The following RRN3 variants were observed in gnomAD, a reference collection of about 807,000 sequenced individuals.
The protein encoded by RRN3 is RNA polymerase I-specific transcription initiation factor RRN3.
RRN3 carries 38 observed loss-of-function variants against 82.3 expected under a neutral mutation model. The observed-to-expected ratio is 0.46, with a 90% CI of 0.36 to 0.61. The LOEUF is 0.61. Among genes scored for constraint, RRN3 ranks in the 20% least tolerant of loss-of-function variants. RRN3 has a pLI of 0.00. For synonymous variants in RRN3, 284 were observed against 284.3 expected (o/e 1.00, Z 0.01); for missense variants, 726 against 793.1 (o/e 0.92, Z 1.02).
chr16:15,086,507 A>C, intron 3 of RRN3, 53 bp from the exon 4 acceptor site: 1 of 1,606,472 alleles, frequency 6.2e-7, no homozygotes, highest in East Asian at 2.2e-5. Flanking sequence ...AACATAACAG[A>C]AATTTACAGC....
At chr16:15,079,848 C>A in intron 9 of RRN3, 150 bp downstream of exon 9, 1 of 814,316 alleles carries the variant, frequency 1.2e-6, no homozygotes, top group Non-Finnish European at 1.8e-6. Context: ...CTGCCTGCCT[C>A]GGCCTCCCAA....
intron 2 of RRN3, among the ~76,000 whole-genome samples, 168 bp from the exon 3 acceptor site, chr16:15,091,539 T>C (rs912883023): frequency 6.6e-5 from 10 of 151,412 alleles, no homozygotes; most frequent in African/African-American, 2.4e-4. Context: ...TAAACACTCA[T>C]GTTAGTGCAG....
At chr16:15,077,180 T>G (rs533365462) in intron 9 of RRN3, among the ~76,000 whole-genome samples, 4 of 151,788 alleles carry the variant, frequency 2.6e-5, no homozygotes, top group Non-Finnish European at 5.9e-5. Flanking sequence ...GGTTACTCCA[T>G]GTTAGTCAGG....
At position 15,074,757 on chromosome 16, in the gene RRN3, A is replaced by T; in HGVS notation, c.963T>A (p.Val321=). 6.2e-7 allele frequency: 1 copy of T among 1,614,060 alleles called. No individual in the cohort carries two copies. Among genetic ancestry groups the T allele is most frequent in the South Asian group, 1.1e-5 (1 of 91,062 alleles). The change falls in exon 11 of 18, where the codon GTT becomes GTA. Residue 321 remains valine (V), a synonymous_variant. Transcript: ENST00000198767. ...AERLDILMSL[V]LSYMKDVCYV... The stretch of plus-strand genomic sequence containing the variant: ...AGCAGACATCCTTCATGTAGGACAA[A>T]ACCAAAGACATCAGGATGTCCAGGC...
rs1255252467 is a variant in RRN3 at position 15,060,809 on chromosome 16, A to C, written c.*935T>G. On this transcript the variant is annotated 3_prime_UTR_variant, in exon 18 of 18. Coordinates refer to ENST00000198767, the MANE Select transcript of RRN3 (RefSeq NM_018427.5). Reference sequence around the variant, plus strand: ...TTGTGAGCAAAACCGTACACCAAATAATCTAAAAAAATTTTCCTGTTTCCA... The same window carrying C: ...TTGTGAGCAAAACCGTACACCAAATCATCTAAAAAAATTTTCCTGTTTCCA... 2 of 152,234 alleles carry C rather than the reference A, an allele frequency of 1.3e-5. No homozygotes were observed. The highest frequency in any genetic ancestry group is 2.9e-5 in the Non-Finnish European group (2 of 68,060). The allele number at this position is 152,234 out of a possible 1,614,324, so 9.4% of individuals were successfully genotyped here.
chr16:15,071,402 G>C (rs1438304355), intron 12 of RRN3, 151 bp from the exon 13 acceptor site: 3 of 766,802 alleles, frequency 3.9e-6, no homozygotes, highest in Middle Eastern at 4.1e-4. Flanking sequence ...CACATTGAGA[G>C]AATATCATTA....
chr16:15,083,818 G>C, intron 7 of RRN3: 1 of 408,278 alleles, frequency 2.4e-6, no homozygotes. Flanking sequence ...CCAGGTTCAA[G>C]CGATTCTCCT....
intron 8 of RRN3, among the ~76,000 whole-genome samples, chr16:15,081,394 T>C (rs1307714828): frequency 6.6e-6 from 1 of 152,206 alleles, no homozygotes; most frequent in Non-Finnish European, 1.5e-5. Flanking sequence ...GTTACTGTCT[T>C]CTCGTTCTGA....
chr16:15,074,022 T>C (rs1191264742), intron 11 of RRN3, among the ~76,000 whole-genome samples: 1 of 152,176 alleles, frequency 6.6e-6, no homozygotes, highest in African/African-American at 2.4e-5. Context: ...CTCTCCTACA[T>C]ATACAGACGC....
intron 2 of RRN3, among the ~76,000 whole-genome samples, chr16:15,091,734 A>G (rs1385237654): frequency 2.0e-5 from 3 of 152,232 alleles, no homozygotes; most frequent in Non-Finnish European, 4.4e-5. Context: ...ATACAAATGG[A>G]TATTACATAT....
chr16:15,094,216 A>T lies in RRN3; in HGVS notation c.18T>A (p.Leu6=), dbSNP rs765355630. ...CCGCATCTCCCGGCAAACGCGTGTG[A>T]AGCAGCGGTGCCGCCATTGGGCCGA... is the stretch of plus-strand genomic sequence containing the variant. The part of the protein sequence containing the change: MAAPL[L]HTRLPGDAAA... Residue 6 remains leucine, a synonymous_variant, in exon 1 of 18, where the codon CTT becomes CTA. Transcript: ENST00000198767. 1.9e-6 allele frequency: 3 copies of T among 1,594,796 alleles called. No individual in the cohort carries two copies. The highest frequency in any genetic ancestry group is 2.6e-6 in the Non-Finnish European group (3 of 1,171,342).
intron 1 of RRN3, among the ~76,000 whole-genome samples, chr16:15,092,882 T>C (rs1329876644): frequency 6.6e-6 from 1 of 152,154 alleles, no homozygotes; most frequent in African/African-American, 2.4e-5. Flanking sequence ...TCTCACCTCA[T>C]CTCCAACAAC....
chr16:15,089,786 C>CAAAAAAAAAAAAAA, intron 3 of RRN3, among the ~76,000 whole-genome samples: 1 of 66,574 alleles, frequency 1.5e-5, no homozygotes, highest in Non-Finnish European at 2.5e-5. Flanking sequence ...GGCGACAGAG[C>CAAAAAAAAAAAAAA]AAAAAAAAAA....
At chr16:15,074,948 C>T in intron 10 of RRN3, 87 bp from the exon 11 acceptor site, 1 of 1,320,300 alleles carries the variant, frequency 7.6e-7, no homozygotes, top group Non-Finnish European at 1.0e-6. Flanking sequence ...GATTATTTCC[C>T]TTAAAAGATA....
At chr16:15,083,171 C>T (rs1312941825) in intron 8 of RRN3, among the ~76,000 whole-genome samples, 1 of 152,186 alleles carries the variant, frequency 6.6e-6, no homozygotes, top group Non-Finnish European at 1.5e-5. Context: ...GAGGCCGAGG[C>T]AGGCAGATCA....
chr16:15,075,008 G>C (rs745796305), intron 10 of RRN3, 147 bp from the exon 11 acceptor site: 3 of 763,316 alleles, frequency 3.9e-6, no homozygotes, highest in Non-Finnish European at 6.1e-6. Context: ...CCAGCACTTT[G>C]GGAAGCAGAG....
chr16:15,089,030 G>C (rs1379787214), intron 3 of RRN3, among the ~76,000 whole-genome samples: 2 of 152,166 alleles, frequency 1.3e-5, no homozygotes, highest in African/African-American at 2.4e-5. Flanking sequence ...AGGCCGGGTG[G>C]AGTGGCTCAC....
Position 15,061,117 on chromosome 16 carries a change from G to T in RRN3, c.*627C>A, listed in dbSNP as rs1231518572. 6.6e-6 allele frequency: 1 copy of T among 152,002 alleles called. No individual in the cohort carries two copies. Among genetic ancestry groups the T allele is most frequent in the Non-Finnish European group, 1.5e-5 (1 of 68,038 alleles). The allele number at this position is 152,002 out of a possible 1,614,324, so 9.4% of individuals were successfully genotyped here. A position where few individuals can be genotyped will look rare whatever the true frequency, so the allele number is the denominator to read the frequency against. On this transcript the variant is annotated 3_prime_UTR_variant, in exon 18 of 18. Transcript: ENST00000198767. Reference sequence around the variant, plus strand: ...CTCTCTTCCCTATGGGCTTTTATTGGTCTCTGAAGTCCCTGGAGATCTTCA... The same window carrying T: ...CTCTCTTCCCTATGGGCTTTTATTGTTCTCTGAAGTCCCTGGAGATCTTCA...
At chr16:15,064,277 G>C (rs2044856298) in intron 16 of RRN3, among the ~76,000 whole-genome samples, 1 of 152,042 alleles carries the variant, frequency 6.6e-6, no homozygotes. Context: ...CCGGGTTCAA[G>C]AGATTCTCCT....
Sources: allele counts gnomAD v4.1 joint callset (sites outside exome capture counted in the v4.1 genomes callset), GRCh38; gene constraint gnomAD v4.1.1; transcripts MANE v1.5; gene names NCBI Gene and HGNC (gene_info 2026-07-23, HGNC 2026-07-21).